The following FGF17 variants were observed in gnomAD, a reference collection of about 807,000 sequenced individuals.
FGF17 encodes fibroblast growth factor 17.
In FGF17, 5 loss-of-function variants were observed where a neutral mutation model predicts 23.5. That is an observed-to-expected ratio of 0.21 (90% CI 0.11 to 0.45). The LOEUF (loss-of-function observed/expected upper bound fraction) is 0.45. Among genes scored for constraint, FGF17 ranks in the 20% least tolerant of loss-of-function variants. FGF17 has a pLI of 0.99. For synonymous variants in FGF17, 136 were observed against 123.0 expected, an observed-to-expected ratio of 1.11 and a Z score of -0.70; for missense variants, 221 against 306.9, an observed-to-expected ratio of 0.72 and a Z score of 2.09.
At position 22,048,360 on chromosome 8, in the gene FGF17, C is replaced by A; in HGVS notation, c.*111C>A. On this transcript the variant is annotated 3_prime_UTR_variant, in exon 5 of 5. Coordinates refer to ENST00000359441, the MANE Select transcript of FGF17 (RefSeq NM_003867.4). The surrounding 1 kb of genome is among the most constrained non-coding windows in gnomAD (Gnocchi z 6.9). ...GGGGAGCCAGATCCCCGAGGGAGGACCCTGAGGGCCGCGAAGCATCCGAGC... is the reference window on the plus strand; with the variant it reads ...GGGGAGCCAGATCCCCGAGGGAGGAACCTGAGGGCCGCGAAGCATCCGAGC... 1 of 993,058 alleles carries A rather than the reference C, an allele frequency of 1.0e-6. No individual in the cohort carries two copies. Among genetic ancestry groups the A allele is most frequent in the Non-Finnish European group, 1.4e-6 (1 of 692,356 alleles). 61.5% of individuals were successfully genotyped at this position (993,058 alleles called of 1,614,324 possible).
chr8:22,043,332 C>A (rs972229378), intron 2 of FGF17, 151 bp downstream of exon 2: 8 of 780,798 alleles, frequency 1.0e-5, no homozygotes, highest in Middle Eastern at 2.2e-4. Context: ...GGGAGTGAGC[C>A]TTTGACCGGG....
rs780114337 is a variant in FGF17, at chr8:22,048,165, C to G, written c.567C>G (p.Ala189=). The G allele has an allele frequency of 4.3e-6, 7 of 1,613,252 alleles. No individual in the cohort carries two copies. In the South Asian group the frequency reaches 5.5e-5, roughly 13 times the overall value. The change falls in exon 5 of 5, where the codon GCC becomes GCG. Residue 189 remains alanine, a synonymous_variant. Coordinates refer to ENST00000359441, the MANE Select transcript of FGF17 (RefSeq NM_003867.4). The surrounding 1 kb of genome is among the most constrained non-coding windows in gnomAD (Gnocchi z 6.9). ...GCCAGCTGCCCTTCCCCAACCACGC[C>G]GAGAAGCAGAAGCAGTTCGAGTTTG... The part of the protein sequence containing the change: ...YQGQLPFPNH[A]EKQKQFEFVG...
intron 2 of FGF17, among the ~76,000 whole-genome samples, chr8:22,044,079 T>C (rs951388031): frequency 6.6e-6 from 1 of 151,650 alleles, no homozygotes; most frequent in Non-Finnish European, 1.5e-5. Flanking sequence ...GGCCTTTTGC[T>C]TCACACATCC....
At chr8:22,046,950 A>ATTTTTCTT (rs774057553) in intron 4 of FGF17, among the ~76,000 whole-genome samples, 2 of 120,576 alleles carry the variant, frequency 1.7e-5, no homozygotes, top group Non-Finnish European at 3.3e-5. Flanking sequence ...TGCCCAGCTA[A>ATTTTTCTT]TTTTTTTTTT....
At chr8:22,044,635 G>GTGGGGC (rs1800822200) in intron 2 of FGF17, 1 of 976,872 alleles carries the variant, frequency 1.0e-6, no homozygotes, top group Non-Finnish European at 1.2e-6. Flanking sequence ...GGAGGCCAGC[G>GTGGGGC]TGGGGCAGGC....
Position 22,045,900 on chromosome 8 carries a change from C to A in FGF17, c.73-214C>A. 8.9e-6 allele frequency: 13 copies of A among 1,465,366 alleles called. No individual in the cohort carries two copies. The South Asian group carries it at 1.8e-4, about 20-fold the overall frequency. 90.8% of individuals were successfully genotyped at this position (1,465,366 alleles called of 1,614,324 possible). A position where few individuals can be genotyped will look rare whatever the true frequency, so the allele number is the denominator to read the frequency against. On this transcript the variant is annotated intron_variant, in intron 2 of 4. Transcript: ENST00000359441. ...ATAAGTGTCCCCCAGCCTGGGCAGA[C>A]CCCAGTCCCTTCTGTAAGGTAGACG...
At position 22,045,931 on chromosome 8, in the gene FGF17, C is replaced by G. The variant is rs767473978; in HGVS notation, c.73-183C>G. 8.0e-6 allele frequency: 12 copies of G among 1,506,006 alleles called. No individual in the cohort carries two copies. In the East Asian group the frequency reaches 3.0e-4, roughly 37 times the overall value. 93.3% of individuals were successfully genotyped at this position (1,506,006 alleles called of 1,614,324 possible). A position where few individuals can be genotyped will look rare whatever the true frequency, so the allele number is the denominator to read the frequency against. ...TCCCTTCTGTAAGGTAGACGCAAAGCAAAGAGGTTATGACCGGCTCACCCA... is the reference window on the plus strand; with the variant it reads ...TCCCTTCTGTAAGGTAGACGCAAAGGAAAGAGGTTATGACCGGCTCACCCA... On this transcript the variant is annotated intron_variant, in intron 2 of 4. Coordinates refer to ENST00000359441, the MANE Select transcript of FGF17 (RefSeq NM_003867.4).
intron 3 of FGF17, 66 bp from the exon 4 acceptor site, chr8:22,046,461 C>T: frequency 2.1e-6 from 3 of 1,458,706 alleles, no homozygotes; most frequent in Non-Finnish European, 1.9e-6. Flanking sequence ...GCTGGGTGGT[C>T]CCCTGCTGTA....
At position 22,045,231 on chromosome 8, in the gene FGF17, C is replaced by G. The variant is rs1284692475; in HGVS notation, c.73-883C>G. 1.6e-5 allele frequency: 16 copies of G among 985,560 alleles called. No homozygotes were observed. The East Asian group carries it at 7.9e-4, about 49-fold the overall frequency. The allele number at this position is 985,560 out of a possible 1,614,324, so 61.1% of individuals were successfully genotyped here. Reference sequence around the variant, plus strand: ...CCTCTCCCCCAACCCAAAGGGGAAGCAGGTGGGCGGGCGCATCCCACCAAC... The same window carrying G: ...CCTCTCCCCCAACCCAAAGGGGAAGGAGGTGGGCGGGCGCATCCCACCAAC... On this transcript the variant is annotated intron_variant, in intron 2 of 4. Transcript: ENST00000359441.
At chr8:22,046,434 G>A in intron 3 of FGF17, 93 bp from the exon 4 acceptor site, 1 of 1,417,812 alleles carries the variant, frequency 7.1e-7, no homozygotes, top group East Asian at 2.3e-5. Flanking sequence ...CTTCGCCTGA[G>A]TCTGGAGGTC....
At position 22,047,859 on chromosome 8, in the gene FGF17, G is replaced by A. The variant is rs567935630; in HGVS notation, c.358-97G>A. 206 of 1,256,274 alleles carry A rather than the reference G, an allele frequency of 1.6e-4. 1 individual carries two copies. Among genetic ancestry groups the A allele is most frequent in the Admixed American group, 3.2e-4 (13 of 40,444 alleles). The allele number at this position is 1,256,274 out of a possible 1,614,324, so 77.8% of individuals were successfully genotyped here. On this transcript the variant is annotated intron_variant, in intron 4 of 4. Transcript: ENST00000359441. ...CTGGGCTCACGGCCCCGTTGTTCCC[G>A]TTGTCCCTCCTCAGTCGTCCAAAAT...
upstream of FGF17, among the ~76,000 whole-genome samples, chr8:22,042,103 A>C (rs541912768): frequency 1.3e-5 from 2 of 152,316 alleles, no homozygotes; most frequent in South Asian, 4.2e-4. Context: ...CTCAGATGGA[A>C]CTACAGAGGC....
At chr8:22,040,631 C>G (rs1052777387), upstream of FGF17, among the ~76,000 whole-genome samples, 1 of 152,236 alleles carries the variant, frequency 6.6e-6, no homozygotes, top group Non-Finnish European at 1.5e-5. Flanking sequence ...GGCCCTGTCC[C>G]CATGGATAGA....
chr8:22,044,882 A>C, intron 2 of FGF17: 1 of 985,472 alleles, frequency 1.0e-6, no homozygotes, highest in East Asian at 1.1e-4. Context: ...ACAGATGCTA[A>C]TCTGGGTCTA....
Position 22,042,893 on chromosome 8 carries a change from G to A in FGF17, c.-36G>A, listed in dbSNP as rs1471051499. The A allele has an allele frequency of 6.2e-7, 1 of 1,612,238 alleles. No homozygotes were observed. Among genetic ancestry groups the A allele is most frequent in the Admixed American group, 1.7e-5 (1 of 59,918 alleles). Reference sequence around the variant, plus strand: ...TCCCACATCTGCTCCTGAGCTTGGGGGCAGGGGGGCAACCGCCTGAGGAAC... The same window carrying A: ...TCCCACATCTGCTCCTGAGCTTGGGAGCAGGGGGGCAACCGCCTGAGGAAC... On this transcript the variant is annotated 5_prime_UTR_variant, in exon 1 of 5. Coordinates refer to ENST00000359441, the MANE Select transcript of FGF17 (RefSeq NM_003867.4).
chr8:22,043,702 T>C (rs1800786624), intron 2 of FGF17, among the ~76,000 whole-genome samples: 1 of 152,008 alleles, frequency 6.6e-6, no homozygotes, highest in African/African-American at 2.4e-5. Flanking sequence ...GAGGTTTGTT[T>C]GGGACGGGAT....
intron 2 of FGF17, 53 bp downstream of exon 2, chr8:22,043,234 A>C: frequency 6.3e-7 from 1 of 1,588,702 alleles, no homozygotes; most frequent in Middle Eastern, 1.7e-4. Flanking sequence ...CTACCTGACC[A>C]GGGCGGGTGC....
chr8:22,046,165 G>A lies in FGF17; in HGVS notation c.124G>A (p.Ala42Thr), dbSNP rs1034601660. 9 of 1,614,054 alleles carry A rather than the reference G, an allele frequency of 5.6e-6. No homozygotes were observed. Among genetic ancestry groups the A allele is most frequent in the Non-Finnish European group, 7.6e-6 (9 of 1,180,046 alleles). Residue 42 changes from alanine (A) to threonine (T), a missense_variant, in exon 3 of 5, where the codon GCC (alanine) becomes ACC (threonine). Physicochemically the swap from Ala to Thr is moderately conservative, Grantham distance 58 (BLOSUM62 0). Around this residue, in one of 3 missense-constraint regions of FGF17, gnomAD observed 58 missense variants for 121.0 expected, o/e 0.48. Transcript: ENST00000359441. ...NFNQYVRDQGAMTDQLSRRQI... is the reference protein window; with the variant it reads ...NFNQYVRDQGTMTDQLSRRQI... ...TAACCAGTACGTGAGGGACCAGGGC[G>A]CCATGACCGACCAGCTGAGCAGGCG...
At chr8:22,045,755 G>T (rs764790464) in intron 2 of FGF17, 116 of 1,193,680 alleles carry the variant, frequency 9.7e-5, no homozygotes, top group Non-Finnish European at 1.2e-4. Context: ...AGGGACAGGG[G>T]TTCTGTCCCT....
Sources: allele counts gnomAD v4.1 joint callset (sites outside exome capture counted in the v4.1 genomes callset), GRCh38; gene constraint gnomAD v4.1.1; regional missense constraint gnomAD v4.1.1; non-coding constraint Gnocchi (gnomAD v3.1); transcripts MANE v1.5; gene names NCBI Gene and HGNC (gene_info 2026-07-23, HGNC 2026-07-21).